NBPF12: variants seen among roughly 807,000 people sequenced by gnomAD.
The protein encoded by NBPF12 is NBPF member 12.
Under a neutral mutation model 146.4 loss-of-function variants are expected in NBPF12, and 115 were observed. That is an observed-to-expected ratio of 0.79 (90% CI 0.68 to 0.92). The LOEUF (loss-of-function observed/expected upper bound fraction) is 0.92. Among genes scored for constraint, NBPF12 ranks in the 40% least tolerant of loss-of-function variants. The pLI is 0.00. For synonymous variants in NBPF12, 385 were observed against 508.9 expected (o/e 0.76, Z 3.28); for missense variants, 1,205 against 1,326.8 (o/e 0.91, Z 1.43).
chr1:146,968,876 C>T (rs1367304894), intron 10 of NBPF12, among the ~76,000 whole-genome samples: 1 of 151,284 alleles, frequency 6.6e-6, no homozygotes, highest in Admixed American at 6.6e-5. Context: ...CACGACCCCA[C>T]TTACCCTTAG....
intron 16 of NBPF12, among the ~76,000 whole-genome samples, chr1:146,976,686 A>C (rs1464655737): frequency 6.6e-6 from 1 of 151,754 alleles, no homozygotes; most frequent in Non-Finnish European, 1.5e-5. Context: ...CTCCAGTGAT[A>C]TGGGAAGCAA....
exon 21 of NBPF12, chr1:146,984,173 C>T: frequency 1.2e-6 from 1 of 807,924 alleles, no homozygotes; most frequent in Non-Finnish European, 2.1e-6. Context: ...GACCAAGAGG[C>T]AACAGGTCCC....
chr1:146,966,471 C>T lies in NBPF12; in HGVS notation c.786C>T (p.Gly262=), dbSNP rs1252631620. The T allele has an allele frequency of 4.3e-6, 6 of 1,383,144 alleles. No homozygotes were observed. The African/African-American group carries it at 7.2e-5, about 17-fold the overall frequency. The allele number at this position is 1,383,144 out of a possible 1,614,324, so 85.7% of individuals were successfully genotyped here. A position where few individuals can be genotyped will look rare whatever the true frequency, so the allele number is the denominator to read the frequency against. Residue 262 remains glycine (G), a synonymous_variant, in exon 9 of 34, where the codon GGC becomes GGT. Transcript: ENST00000617844. ...TGCCTTTCTTCTCCCCAGTCCCTGG[C>T]CCCACCTCTTCTGCCACAAACGTCA...
intron 1 of NBPF12, among the ~76,000 whole-genome samples, chr1:146,939,492 C>T (rs1317077017): frequency 1.3e-5 from 2 of 151,996 alleles, no homozygotes; most frequent in African/African-American, 4.8e-5. Flanking sequence ...GTAGCGATCA[C>T]TGAATCACCT....
At chr1:146,967,648 A>G (rs1334001582) in intron 9 of NBPF12, among the ~76,000 whole-genome samples, 22 of 150,474 alleles carry the variant, frequency 1.5e-4, no homozygotes, top group Admixed American at 2.0e-4. Flanking sequence ...AGTGCAGTGT[A>G]CAGAGCAGGG....
exon 22 of NBPF12, chr1:146,984,883 A>T: frequency 1.5e-5 from 23 of 1,586,022 alleles, no homozygotes; most frequent in Non-Finnish European, 1.9e-5. Context: ...ATGTTATTCA[A>T]CTCCTTCAGT....
chr1:146,971,017 C>T, intron 12 of NBPF12, among the ~76,000 whole-genome samples, 166 bp from the exon 16 acceptor site: 1 of 151,558 alleles, frequency 6.6e-6, no homozygotes, highest in East Asian at 1.9e-4. Flanking sequence ...CAGCCATGCT[C>T]TGTTGCAGAG....
chr1:146,941,118 C>CGGGGTTTCACCA lies in NBPF12; in HGVS notation c.-822+2136_-822+2137insGGGGTTTCACCA, dbSNP rs1654784100. 2.4e-3 allele frequency among the ~76,000 whole-genome samples: 368 copies of CGGGGTTTCACCA among 151,844 alleles called. 1 individual carries two copies. The highest frequency in any genetic ancestry group is 4.0e-3 in the Non-Finnish European group (270 of 67,968). On this transcript the variant is annotated intron_variant, in intron 1 of 35. Transcript: ENST00000617931. ...TTTCTTTTTGAGACAAGATCTCACT[C>CGGGGTTTCACCA]TGTTGCCCAGGCTGGAGTGCAGTGG...
chr1:146,974,343 C>T (rs1188227886), intron 14 of NBPF12, among the ~76,000 whole-genome samples: 1 of 141,284 alleles, frequency 7.1e-6, no homozygotes, highest in African/African-American at 2.7e-5. Context: ...CCATCAGTCC[C>T]ATAGTTCTAG....
rs1347440975 is a variant in NBPF12, at chr1:146,981,288, A to ATAT, written c.2451-1640_2451-1639insTAT. The stretch of plus-strand genomic sequence containing the variant: ...AAGACTTAAAGTATTAAAAAAAAAA[A>ATAT]AAAAAAATATATATATATATATATA... On this transcript the variant is annotated intron_variant, in intron 19 of 33. Coordinates refer to ENST00000617844, the Ensembl canonical transcript of NBPF12. 5.0e-3 allele frequency among the ~76,000 whole-genome samples: 540 copies of ATAT among 107,258 alleles called. 3 individuals are homozygous for ATAT. The highest frequency in any genetic ancestry group is 0.017 in the African/African-American group (434 of 25,118). 70.4% of individuals were successfully genotyped at this position (107,258 alleles called of 152,430 possible). A position where few individuals can be genotyped will look rare whatever the true frequency, so the allele number is the denominator to read the frequency against.
intron 27 of NBPF12, among the ~76,000 whole-genome samples, 194 bp from the exon 31 acceptor site, chr1:146,989,370 GTCTCTCTCTC>G (rs1278443686): frequency 7.0e-6 from 1 of 141,966 alleles, no homozygotes; most frequent in Non-Finnish European, 1.5e-5. Context: ...CTCTGTCTCT[GTCTCTCTCTC>G]TCTGTCTTTC....
At chr1:146,966,515 G>A (rs1656221347) in exon 9 of NBPF12, 9 of 1,476,676 alleles carry the variant, frequency 6.1e-6, no homozygotes, top group African/African-American at 1.4e-5. Context: ...GTATCAGCCG[G>A]CCCTTTGTCC....
In NBPF12 at chr1:146,984,063, G is replaced by A. The variant is rs1335400625; in HGVS notation, c.2615-71G>A. The A allele has an allele frequency of 1.1e-4, 75 of 680,482 alleles. 1 individual carries two copies. In the African/African-American group the frequency reaches 1.2e-3, roughly 11 times the overall value. The allele number at this position is 680,482 out of a possible 1,614,324, so 42.2% of individuals were successfully genotyped here. On this transcript the variant is annotated intron_variant, in intron 20 of 33. Coordinates refer to ENST00000617844, the Ensembl canonical transcript of NBPF12. ...GACTGATGTCCCTGTGTTAGGATTG[G>A]ACAGAGGAATGTTTCTGTGTGCAAG...
At chr1:146,984,338 A>G (rs1210924375) in intron 21 of NBPF12, among the ~76,000 whole-genome samples, 153 bp downstream of exon 24, 9 of 150,834 alleles carry the variant, frequency 6.0e-5, no homozygotes, top group African/African-American at 1.7e-4. Flanking sequence ...TCATTAGAGT[A>G]AATGTTTAGG....
exon 34 of NBPF12, chr1:146,995,044 G>A: frequency 5.7e-6 from 1 of 175,876 alleles, no homozygotes; most frequent in South Asian, 1.2e-4. Context: ...GGGATCCTTG[G>A]CTGAGGATTG....
intron 1 of NBPF12, among the ~76,000 whole-genome samples, chr1:146,940,092 G>A (rs1193796652): frequency 6.6e-6 from 1 of 152,044 alleles, no homozygotes; most frequent in Admixed American, 6.6e-5. Context: ...CGAAGTTAAG[G>A]AAAACTGATG....
exon 13 of NBPF12, chr1:146,971,368 G>C: frequency 6.2e-7 from 1 of 1,611,456 alleles, no homozygotes; most frequent in Non-Finnish European, 8.5e-7. Flanking sequence ...CATGATGAAT[G>C]TCAGGATGCT....
At chr1:146,973,346 T>C (rs1267608735) in intron 14 of NBPF12, among the ~76,000 whole-genome samples, 113 of 151,862 alleles carry the variant, frequency 7.4e-4, no homozygotes, top group African/African-American at 9.2e-4. Flanking sequence ...TTTATTCAGT[T>C]CAAGTTTCTG....
At chr1:146,962,128 C>T (rs1235022622) in intron 4 of NBPF12, 33 bp from the exon 8 acceptor site, 2 of 1,605,168 alleles carry the variant, frequency 1.2e-6, no homozygotes, top group African/African-American at 1.3e-5. Context: ...GTCCAGCCTT[C>T]CACTGAGGCA....
Sources: gnomAD v4.1 joint callset for allele counts (sites outside exome capture counted in the v4.1 genomes callset) on GRCh38, gnomAD v4.1.1 for gene constraint, MANE v1.5 for transcripts, NCBI Gene and HGNC (gene_info 2026-07-23, HGNC 2026-07-21) for gene names.